IGSF6: variants seen among roughly 807,000 people sequenced by gnomAD.
IGSF6 encodes the protein down-regulated by activation (immunoglobulin superfamily).
In IGSF6, 23 loss-of-function variants were observed where a neutral mutation model predicts 24.7. The ratio of observed to expected loss-of-function variants is 0.93; its 90% CI spans 0.67 to 1.32. IGSF6 has a LOEUF of 1.32. IGSF6 is among the 40% of genes most tolerant of loss of function. The probability of loss-of-function intolerance (pLI) is 0.00; values close to 1 mark genes in which losing one functional copy is unlikely to be tolerated. For missense variants in IGSF6, 295 were observed against 293.6 expected (o/e 1.00, Z -0.04); for synonymous variants, 110 against 113.7 (o/e 0.97, Z 0.21).
intron 2 of IGSF6, chr16:21,646,452 T>G (rs1056893203): frequency 1.3e-5 from 2 of 156,510 alleles, no homozygotes; most frequent in African/African-American, 2.4e-5. Flanking sequence ...TGCTTTGTTC[T>G]AGGTGGTGCA....
At chr16:21,643,226 C>A in intron 4 of IGSF6, 72 bp from the exon 5 acceptor site, 1 of 1,177,492 alleles carries the variant, frequency 8.5e-7, no homozygotes, top group Non-Finnish European at 1.3e-6. Flanking sequence ...ATCATCAGAA[C>A]TTTTCTTGCT....
chr16:21,650,220 A>G (rs992707920), intron 1 of IGSF6, among the ~76,000 whole-genome samples: 2 of 152,160 alleles, frequency 1.3e-5, no homozygotes, highest in African/African-American at 4.8e-5. Context: ...TATAAAAGGA[A>G]TAGAGGCTGG....
At chr16:21,643,180 A>T (rs1350155533) in intron 4 of IGSF6, 26 bp from the exon 5 acceptor site, 1 of 1,550,040 alleles carries the variant, frequency 6.5e-7, no homozygotes, top group East Asian at 2.2e-5. Flanking sequence ...AGAAAAAAAA[A>T]TTCTCTTTTG....
intron 3 of IGSF6, 58 bp from the exon 4 acceptor site, chr16:21,643,656 C>G (rs751424536): frequency 2.7e-6 from 3 of 1,118,464 alleles, no homozygotes; most frequent in Admixed American, 2.0e-5. Context: ...ACAATGGTGG[C>G]AGATATCTCA....
intron 1 of IGSF6, among the ~76,000 whole-genome samples, chr16:21,648,200 G>C (rs921290872): frequency 6.6e-6 from 1 of 152,146 alleles, no homozygotes; most frequent in Non-Finnish European, 1.5e-5. Flanking sequence ...GTGCTGCTTT[G>C]TAGGCCCTTG....
At position 21,647,471 on chromosome 16, in the gene IGSF6, A is replaced by T; in HGVS notation, c.89T>A (p.Leu30His). Residue 30 changes from leucine to histidine, a missense_variant, in exon 2 of 6, where the codon CTC becomes CAC. Physicochemically the swap from Leu to His is moderately conservative, Grantham distance 99. Transcript: ENST00000268389. ...FCVGAVGACTLSVTQPWYLEV... is the reference protein window; with the variant it reads ...FCVGAVGACTHSVTQPWYLEV... ...TAGGTACCACGGTTGTGTGACAGAGAGAGTACAGGCGCCCACAGCACCTGT... is the reference window on the plus strand; with the variant it reads ...TAGGTACCACGGTTGTGTGACAGAGTGAGTACAGGCGCCCACAGCACCTGT... 1 of 1,613,298 alleles carries T rather than the reference A, an allele frequency of 6.2e-7. No individual in the cohort carries two copies. The highest frequency in any genetic ancestry group is 1.1e-5 in the South Asian group (1 of 91,070).
At chr16:21,650,288 C>T (rs1350757347) in intron 1 of IGSF6, among the ~76,000 whole-genome samples, 1 of 152,124 alleles carries the variant, frequency 6.6e-6, no homozygotes, top group African/African-American at 2.4e-5. Flanking sequence ...GGGCAGATCA[C>T]CTGAGGTCAG....
chr16:21,647,058 A>C, intron 2 of IGSF6, 75 bp downstream of exon 2: 2 of 1,589,694 alleles, frequency 1.3e-6, no homozygotes, highest in Non-Finnish European at 1.7e-6. Flanking sequence ...TGATTTCTAC[A>C]TGTGAGTGAG....
rs777993032 is a variant in IGSF6, at chr16:21,647,437, G to A, written c.123C>T (p.Asp41=). The change falls in exon 2 of 6, where the codon GAC becomes GAT. Residue 41 remains aspartate (D), a synonymous_variant. Transcript: ENST00000268389. Reference sequence around the variant, plus strand: ...TTATGGTGACGGCCTCATGAGTGTAGTCCACTTCTAGGTACCACGGTTGTG... The same window carrying A: ...TTATGGTGACGGCCTCATGAGTGTAATCCACTTCTAGGTACCACGGTTGTG... ...SVTQPWYLEV[D]YTHEAVTIKC... 1 of 1,614,076 alleles carries A rather than the reference G, an allele frequency of 6.2e-7. No homozygotes were observed. Among genetic ancestry groups the A allele is most frequent in the African/African-American group, 1.3e-5 (1 of 75,010 alleles).
intron 1 of IGSF6, among the ~76,000 whole-genome samples, chr16:21,651,474 TTTC>T (rs1966574833): frequency 6.6e-6 from 1 of 152,048 alleles, no homozygotes; most frequent in South Asian, 2.1e-4. Context: ...GCTATTTTTT[TTTC>T]TTGTGTAGAA....
At chr16:21,649,544 G>A (rs968269627) in intron 1 of IGSF6, among the ~76,000 whole-genome samples, 2 of 152,170 alleles carry the variant, frequency 1.3e-5, no homozygotes, top group African/African-American at 4.8e-5. Context: ...TACAAGTACA[G>A]TGAAACATTT....
chr16:21,652,542 T>C lies in IGSF6; in HGVS notation c.57A>G (p.Leu19=). 1 of 1,610,916 alleles carries C rather than the reference T, an allele frequency of 6.2e-7. No individual in the cohort carries two copies. Among genetic ancestry groups the C allele is most frequent in the Non-Finnish European group, 8.5e-7 (1 of 1,178,392 alleles). ...IARHLQTNLI[L]FCVGAVGACT... Reference sequence around the variant, plus strand: ...GAAAAAGAACCTTACCGACACAAAATAGAATGAGATTGGTTTGCAGATGGC... The same window carrying C: ...GAAAAAGAACCTTACCGACACAAAACAGAATGAGATTGGTTTGCAGATGGC... Residue 19 remains leucine, a synonymous_variant, in exon 1 of 6, where the codon CTA becomes CTG. Coordinates refer to ENST00000268389, the MANE Select transcript of IGSF6 (RefSeq NM_005849.4).
At chr16:21,641,642 TG>T in intron 5 of IGSF6, 49 bp from the exon 6 acceptor site, 1 of 1,173,258 alleles carries the variant, frequency 8.5e-7, no homozygotes, top group Non-Finnish European at 1.3e-6. Context: ...ATGTAACCAA[TG>T]AAGCCAACTG....
chr16:21,647,638 G>C, intron 1 of IGSF6, 146 bp from the exon 2 acceptor site: 2 of 1,074,070 alleles, frequency 1.9e-6, no homozygotes, highest in Non-Finnish European at 2.6e-6. Flanking sequence ...AAACACCAGT[G>C]GTCCTCACTT....
rs1229965396 is a variant in IGSF6 at position 21,647,422 on chromosome 16, G to A, written c.138C>T (p.Ala46=). Residue 46 remains alanine, a synonymous_variant, in exon 2 of 6, where the codon GCC becomes GCT. Transcript: ENST00000268389. ...WYLEVDYTHE[A]VTIKCTFSAT... is the part of the protein sequence containing the mutation. ...CGGAGAAGGTACACTTTATGGTGAC[G>A]GCCTCATGAGTGTAGTCCACTTCTA... The A allele has an allele frequency of 1.6e-5, 26 of 1,613,872 alleles. No individual in the cohort carries two copies. Among genetic ancestry groups the A allele is most frequent in the Non-Finnish European group, 2.1e-5 (25 of 1,179,980 alleles).
intron 3 of IGSF6, among the ~76,000 whole-genome samples, chr16:21,643,802 A>G (rs1159674242): frequency 6.6e-6 from 1 of 152,008 alleles, no homozygotes; most frequent in African/African-American, 2.4e-5. Flanking sequence ...ATTTATAGTA[A>G]TCCTAACACA....
chr16:21,648,549 C>A (rs568128525), intron 1 of IGSF6, among the ~76,000 whole-genome samples: 1 of 152,322 alleles, frequency 6.6e-6, no homozygotes, highest in South Asian at 2.1e-4. Context: ...GTCACCCACT[C>A]CAGTGTACTG....
intron 3 of IGSF6, 84 bp from the exon 4 acceptor site, chr16:21,643,682 AAACT>A: frequency 1.2e-6 from 1 of 840,240 alleles, no homozygotes; most frequent in South Asian, 1.6e-5. Flanking sequence ...TAATAAGATT[AAACT>A]AACTTAATAT....
intron 5 of IGSF6, chr16:21,642,437 A>G (rs747790213): frequency 6.6e-6 from 1 of 152,194 alleles, no homozygotes; most frequent in Non-Finnish European, 1.5e-5. Flanking sequence ...CTTATTTTGT[A>G]TACATTTTAG....
Sources: allele counts gnomAD v4.1 joint callset (sites outside exome capture counted in the v4.1 genomes callset), GRCh38; gene constraint gnomAD v4.1.1; transcripts MANE v1.5; gene names NCBI Gene and HGNC (gene_info 2026-07-23, HGNC 2026-07-21).